LRRC37A2: variants seen among roughly 807,000 people sequenced by gnomAD.
LRRC37A2 encodes the protein leucine rich repeat containing 37 member A2.
Under a neutral mutation model 68.8 loss-of-function variants are expected in LRRC37A2, and 9 were observed. The observed-to-expected ratio is 0.13, with a 90% CI of 0.08 to 0.23. LRRC37A2 has a LOEUF of 0.23. Among genes scored for constraint, LRRC37A2 ranks in the 10% least tolerant of loss-of-function variants. LRRC37A2 has a pLI of 1.00. For synonymous variants in LRRC37A2, 63 were observed against 367.6 expected (o/e 0.17, Z 9.48); for missense variants, 168 against 950.4 (o/e 0.18, Z 10.82).
At chr17:46,539,459 T>TTTA (rs1194571037) in intron 6 of LRRC37A2, among the ~76,000 whole-genome samples, 1 of 150,468 alleles carries the variant, frequency 6.6e-6, no homozygotes, top group Admixed American at 6.6e-5. Context: ...TTTTAAAAAC[T>TTTA]TTATAAAGAT....
chr17:46,840,985 A>G, the LRRC37A2 span, among the ~76,000 whole-genome samples: 6 of 152,294 alleles, frequency 3.9e-5, no homozygotes, highest in East Asian at 5.8e-4. Context: ...TTCCAACTGC[A>G]TTCTCCTTTC....
chr17:46,708,226 A>G, the LRRC37A2 span, among the ~76,000 whole-genome samples: 1 of 152,234 alleles, frequency 6.6e-6, no homozygotes, highest in Non-Finnish European at 1.5e-5. Flanking sequence ...GAATTGCTGG[A>G]TCATATAGTA....
chr17:46,492,227 G>T, the LRRC37A2 span, among the ~76,000 whole-genome samples: 1 of 150,006 alleles, frequency 6.7e-6, no homozygotes, highest in Non-Finnish European at 1.5e-5. Flanking sequence ...GGCCTCCCAT[G>T]GTGCCGGGAT....
the LRRC37A2 span, chr17:46,923,089 G>C: frequency 3.7e-6 from 3 of 808,700 alleles, no homozygotes; most frequent in African/African-American, 1.7e-5. Flanking sequence ...TGGCCGGCAG[G>C]GGAGGGAGGG....
chr17:47,027,747 C>G, the LRRC37A2 span: 1 of 560,612 alleles, frequency 1.8e-6, no homozygotes, highest in Non-Finnish European at 3.2e-6. Flanking sequence ...TAAAATTATA[C>G]AGCAAATCCT....
chr17:46,740,191 C>G, the LRRC37A2 span, among the ~76,000 whole-genome samples: 1 of 152,084 alleles, frequency 6.6e-6, no homozygotes, highest in Non-Finnish European at 1.5e-5. Flanking sequence ...AATTGTTTAG[C>G]AGATTGGCCT....
the LRRC37A2 span, among the ~76,000 whole-genome samples, chr17:47,031,804 G>T: frequency 6.9e-6 from 1 of 144,596 alleles, no homozygotes; most frequent in Admixed American, 7.0e-5. Flanking sequence ...TCACAAACAT[G>T]CCTTACTGTT....
the LRRC37A2 span, among the ~76,000 whole-genome samples, chr17:46,862,532 T>C: frequency 6.6e-6 from 1 of 152,220 alleles, no homozygotes; most frequent in Non-Finnish European, 1.5e-5. Context: ...TGTGGCAAAT[T>C]CTGAGCCCAA....
chr17:46,987,055 G>A, the LRRC37A2 span, among the ~76,000 whole-genome samples: 1 of 152,128 alleles, frequency 6.6e-6, no homozygotes, highest in Non-Finnish European at 1.5e-5. Context: ...AGACCAGCCT[G>A]GCTGACACGG....
At chr17:46,761,293 T>C in the LRRC37A2 span, among the ~76,000 whole-genome samples, 2 of 151,810 alleles carry the variant, frequency 1.3e-5, no homozygotes, top group African/African-American at 2.4e-5. Flanking sequence ...GCCTCCACCA[T>C]AGGCGGCTCA....
At chr17:46,847,931 C>G in the LRRC37A2 span, among the ~76,000 whole-genome samples, 3 of 151,484 alleles carry the variant, frequency 2.0e-5, no homozygotes, top group African/African-American at 7.3e-5. Flanking sequence ...GTGGCCATAG[C>G]AAAGCTTTCA....
the LRRC37A2 span, among the ~76,000 whole-genome samples, chr17:46,953,590 A>G: frequency 1.4e-3 from 220 of 152,270 alleles, 1 homozygote; most frequent in Middle Eastern, 6.8e-3. Flanking sequence ...GTCAAATGGT[A>G]TTTCTAGTTC....
the LRRC37A2 span, among the ~76,000 whole-genome samples, chr17:46,867,742 C>T: frequency 6.6e-6 from 1 of 152,054 alleles, no homozygotes. Context: ...GAAGGAGGTT[C>T]CAGGAGGATC....
the LRRC37A2 span, among the ~76,000 whole-genome samples, chr17:46,722,878 G>A: frequency 6.6e-6 from 1 of 152,186 alleles, no homozygotes; most frequent in Non-Finnish European, 1.5e-5. Context: ...CTTCGTCATG[G>A]TCGGTGTGTT....
chr17:47,035,661 A>T, the LRRC37A2 span, among the ~76,000 whole-genome samples: 1 of 152,326 alleles, frequency 6.6e-6, no homozygotes, highest in African/African-American at 2.4e-5. Flanking sequence ...CATGTTTTTA[A>T]TTCTAGGGTG....
At chr17:46,392,421 CTTT>C in the LRRC37A2 span, among the ~76,000 whole-genome samples, 10 of 57,384 alleles carry the variant, frequency 1.7e-4, no homozygotes, top group Non-Finnish European at 3.3e-4. Flanking sequence ...CTCTCTCTCT[CTTT>C]CTTTCTCTCT....
chr17:46,836,063 G>A, the LRRC37A2 span, among the ~76,000 whole-genome samples: 1 of 149,696 alleles, frequency 6.7e-6, no homozygotes, highest in African/African-American at 2.5e-5. Flanking sequence ...ACCTGCTGGG[G>A]CTCCCAGGAA....
chr17:47,012,792 T>C, the LRRC37A2 span, among the ~76,000 whole-genome samples: 1 of 152,202 alleles, frequency 6.6e-6, no homozygotes, highest in African/African-American at 2.4e-5. Flanking sequence ...TGCAAAATGA[T>C]GCAGTCACTT....
the LRRC37A2 span, among the ~76,000 whole-genome samples, chr17:46,951,740 C>T: frequency 1.6e-3 from 245 of 152,316 alleles, 1 homozygote; most frequent in African/African-American, 5.7e-3. Flanking sequence ...AAAAGGAAAC[C>T]TCTAATTTTC....
Sources: gnomAD v4.1 joint callset for allele counts (sites outside exome capture counted in the v4.1 genomes callset) on GRCh38, gnomAD v4.1.1 for gene constraint, MANE v1.5 for transcripts, NCBI Gene and HGNC (gene_info 2026-07-23, HGNC 2026-07-21) for gene names.